Variants in CDH13 observed in about 807,000 individuals in gnomAD.
CDH13 encodes the protein cadherin-13.
CDH13 carries 24 observed loss-of-function variants against 63.8 expected under a neutral mutation model. The observed-to-expected ratio is 0.38, with a 90% CI of 0.27 to 0.53. The LOEUF (loss-of-function observed/expected upper bound fraction) is 0.53, where lower values mean the gene tolerates loss of function less well. Ranked by LOEUF, CDH13 falls within the 20% of genes least tolerant of loss-of-function variation. The pLI is 0.85. For missense variants in CDH13, 1,049 were observed against 903.1 expected (o/e 1.16, Z -2.07); for synonymous variants, 503 against 355.3 (o/e 1.42, Z -4.67).
intron 5 of CDH13, among the ~76,000 whole-genome samples, chr16:83,303,670 T>G (rs2089803601): frequency 6.6e-6 from 1 of 152,194 alleles, no homozygotes; most frequent in Non-Finnish European, 1.5e-5. Context: ...AGCCTTATCC[T>G]GTGCTTTGGG....
chr16:83,283,137 C>G (rs1028949847), intron 5 of CDH13, among the ~76,000 whole-genome samples: 3 of 152,132 alleles, frequency 2.0e-5, no homozygotes, highest in Non-Finnish European at 4.4e-5. Context: ...AGCACAATCC[C>G]TTAGATCTTC....
At chr16:82,792,222 G>C (rs1318607968) in intron 1 of CDH13, among the ~76,000 whole-genome samples, 1 of 152,088 alleles carries the variant, frequency 6.6e-6, no homozygotes, top group East Asian at 1.9e-4. Flanking sequence ...CTGGCATCCC[G>C]GGATTCCTGC....
intron 7 of CDH13, among the ~76,000 whole-genome samples, chr16:83,602,220 A>G (rs1220520388): frequency 6.6e-6 from 1 of 150,446 alleles, no homozygotes; most frequent in African/African-American, 2.5e-5. Context: ...AAAAAAGAAC[A>G]GTAAATATAT....
At chr16:82,870,025 A>G (rs1361116868) in intron 2 of CDH13, among the ~76,000 whole-genome samples, 1 of 152,194 alleles carries the variant, frequency 6.6e-6, no homozygotes, top group Non-Finnish European at 1.5e-5. Context: ...GAAACAATCA[A>G]AATCAAGAGA....
intron 4 of CDH13, among the ~76,000 whole-genome samples, chr16:83,209,434 A>C (rs2039275995): frequency 6.6e-6 from 1 of 152,202 alleles, no homozygotes; most frequent in Non-Finnish European, 1.5e-5. Context: ...AGTTATTGCT[A>C]TCAGGTGCAT....
chr16:83,008,518 G>C (rs1913782407), intron 2 of CDH13, among the ~76,000 whole-genome samples: 1 of 152,220 alleles, frequency 6.6e-6, no homozygotes, highest in Non-Finnish European at 1.5e-5. Flanking sequence ...GTACAACAAA[G>C]TATGTTATGG....
At chr16:83,680,393 T>C (rs1188702075) in intron 10 of CDH13, among the ~76,000 whole-genome samples, 1 of 152,150 alleles carries the variant, frequency 6.6e-6, no homozygotes, top group Non-Finnish European at 1.5e-5. Flanking sequence ...GAACATCCTG[T>C]CTGGCAAATG....
chr16:83,462,706 A>C (rs375760437), intron 6 of CDH13, among the ~76,000 whole-genome samples: 1 of 152,230 alleles, frequency 6.6e-6, no homozygotes, highest in Non-Finnish European at 1.5e-5. Flanking sequence ...CAGTAAGTCA[A>C]GATCATGCCA....
chr16:82,822,966 C>A (rs556121572), intron 1 of CDH13, among the ~76,000 whole-genome samples: 1 of 152,258 alleles, frequency 6.6e-6, no homozygotes, highest in South Asian at 2.1e-4. Flanking sequence ...CGCTCATAGA[C>A]CTGGGTGTGG....
chr16:83,631,951 C>T (rs1910814848), intron 8 of CDH13, among the ~76,000 whole-genome samples: 1 of 152,190 alleles, frequency 6.6e-6, no homozygotes, highest in Admixed American at 6.5e-5. Context: ...AGTCATGAGA[C>T]AAACTGTCCA....
intron 7 of CDH13, among the ~76,000 whole-genome samples, chr16:83,534,158 T>C (rs2075138914): frequency 6.6e-6 from 1 of 152,178 alleles, no homozygotes; most frequent in African/African-American, 2.4e-5. Context: ...TGTAATCATC[T>C]ACTTTCTGTC....
At chr16:82,905,152 C>T (rs562879165) in intron 2 of CDH13, among the ~76,000 whole-genome samples, 1 of 152,256 alleles carries the variant, frequency 6.6e-6, no homozygotes, top group South Asian at 2.1e-4. Context: ...CTGCTGACAG[C>T]AGTTCTGTAA....
intron 10 of CDH13, among the ~76,000 whole-genome samples, chr16:83,682,737 C>T (rs1394502643): frequency 6.6e-6 from 1 of 152,136 alleles, no homozygotes; most frequent in Non-Finnish European, 1.5e-5. Context: ...TCTGTCTTTT[C>T]TGACATTCCC....
At chr16:83,549,307 C>T (rs1204927731) in intron 7 of CDH13, among the ~76,000 whole-genome samples, 1 of 152,196 alleles carries the variant, frequency 6.6e-6, no homozygotes, top group Non-Finnish European at 1.5e-5. Context: ...ACCTCTCATT[C>T]TTCTTTTGTG....
At chr16:82,855,417 C>A (rs146602757) in intron 1 of CDH13, among the ~76,000 whole-genome samples, 1 of 152,182 alleles carries the variant, frequency 6.6e-6, no homozygotes, top group Non-Finnish European at 1.5e-5. Flanking sequence ...GTTTCCTGGT[C>A]TGGGAGCTGA....
intron 7 of CDH13, among the ~76,000 whole-genome samples, chr16:83,567,274 A>T (rs1243315070): frequency 6.6e-6 from 1 of 152,216 alleles, no homozygotes; most frequent in African/African-American, 2.4e-5. Context: ...TCTGTAGAAG[A>T]AAAGGCCATA....
intron 1 of CDH13, among the ~76,000 whole-genome samples, chr16:82,718,927 C>T (rs1263595266): frequency 6.6e-6 from 1 of 152,200 alleles, no homozygotes; most frequent in Non-Finnish European, 1.5e-5. Flanking sequence ...AACAGCATCT[C>T]ACCAGACCTG....
intron 1 of CDH13, among the ~76,000 whole-genome samples, chr16:82,796,190 G>T (rs1597613378): frequency 6.6e-6 from 1 of 152,116 alleles, no homozygotes; most frequent in Admixed American, 6.5e-5. Flanking sequence ...AAATTGCAAA[G>T]CTGGGTGAAC....
intron 1 of CDH13, among the ~76,000 whole-genome samples, chr16:82,678,855 C>G (rs1042504769): frequency 2.0e-5 from 3 of 152,168 alleles, no homozygotes; most frequent in African/African-American, 7.2e-5. Flanking sequence ...AAGAAAACAA[C>G]TCTTTCATCA....
Sources: gnomAD v4.1 joint callset for allele counts (sites outside exome capture counted in the v4.1 genomes callset) on GRCh38, gnomAD v4.1.1 for gene constraint, MANE v1.5 for transcripts, NCBI Gene and HGNC (gene_info 2026-07-23, HGNC 2026-07-21) for gene names.